The following TBC1D5 variants were observed in gnomAD, a reference collection of about 807,000 sequenced individuals.
TBC1D5 encodes TBC1 domain family, member 5.
In TBC1D5, 75 loss-of-function variants were observed where a neutral mutation model predicts 100.3. The ratio of observed to expected loss-of-function variants is 0.75; its 90% confidence interval spans 0.62 to 0.91. The LOEUF is 0.91. Among genes scored for constraint, TBC1D5 ranks in the 40% least tolerant of loss-of-function variants. The probability of loss-of-function intolerance (pLI) is 0.00; values close to 1 mark genes in which losing one functional copy is unlikely to be tolerated. For synonymous variants in TBC1D5, 323 were observed against 325.6 expected, an observed-to-expected ratio of 0.99 and a Z score of 0.09; for missense variants, 910 against 942.4, an observed-to-expected ratio of 0.97 and a Z score of 0.45.
chr3:17,730,334 A>G (rs990149094), intron 1 of TBC1D5, among the ~76,000 whole-genome samples: 3 of 152,228 alleles, frequency 2.0e-5, no homozygotes, highest in African/African-American at 7.2e-5. Flanking sequence ...TTCTTAGCCA[A>G]CAAAATACAG....
intron 4 of TBC1D5, among the ~76,000 whole-genome samples, chr3:17,423,166 T>G (rs980450313): frequency 1.3e-5 from 2 of 152,078 alleles, no homozygotes; most frequent in Non-Finnish European, 2.9e-5. Flanking sequence ...GACAAGTGCC[T>G]TTTTTTGTCT....
chr3:17,309,535 A>G (rs946426560), intron 13 of TBC1D5, among the ~76,000 whole-genome samples: 1 of 151,978 alleles, frequency 6.6e-6, no homozygotes, highest in Admixed American at 6.6e-5. Flanking sequence ...TATAATTTTT[A>G]TCTTTTATAA....
intron 1 of TBC1D5, among the ~76,000 whole-genome samples, chr3:17,698,620 G>C (rs2072566023): frequency 6.9e-6 from 1 of 145,904 alleles, no homozygotes; most frequent in Non-Finnish European, 1.5e-5. Flanking sequence ...TACAAAATGG[G>C]AGAAAATTTT....
chr3:17,515,209 A>C (rs2095968412), intron 2 of TBC1D5, among the ~76,000 whole-genome samples: 1 of 152,170 alleles, frequency 6.6e-6, no homozygotes, highest in African/African-American at 2.4e-5. Flanking sequence ...ATGAACAAAA[A>C]TCTCTCCTTG....
At chr3:17,389,888 CA>C (rs1252962250) in intron 8 of TBC1D5, among the ~76,000 whole-genome samples, 4 of 152,058 alleles carry the variant, frequency 2.6e-5, no homozygotes, top group Non-Finnish European at 5.9e-5. Context: ...CATTAGAAGT[CA>C]TAAAATGGTA....
Position 17,285,248 on chromosome 3 carries a change from CTTTTTTTTTTT to C in TBC1D5, c.1245+6636_1245+6646del, listed in dbSNP as rs373843978. On this transcript the variant is annotated intron_variant, in intron 15 of 21. Coordinates refer to ENST00000253692, the Ensembl canonical transcript of TBC1D5. ...AGTCACTATACGTGGATTTTAGATTCTTTTTTTTTTTTTTTTTTTTTTTTTTTTTTGAGACG... is the reference window on the plus strand; with the variant it reads ...AGTCACTATACGTGGATTTTAGATTCTTTTTTTTTTTTTTTTTTTGAGACG... 5.0e-3 allele frequency among the ~76,000 whole-genome samples: 524 copies of C among 104,672 alleles called. 6 individuals carry two copies. Among genetic ancestry groups the C allele is most frequent in the African/African-American group, 0.018 (494 of 27,658 alleles). The allele number at this position is 104,672 out of a possible 152,430, so 68.7% of individuals were successfully genotyped here.
intron 2 of TBC1D5, among the ~76,000 whole-genome samples, chr3:17,528,072 G>A (rs1391988358): frequency 6.6e-6 from 1 of 151,954 alleles, no homozygotes; most frequent in Non-Finnish European, 1.5e-5. Flanking sequence ...GCTGGGAGGG[G>A]TGGCTGAGAC....
rs9875378 is a variant in TBC1D5, at chr3:17,581,945, C to G, written c.-36+41904G>C. Among the ~76,000 whole-genome samples, 143 of 152,298 alleles carry G rather than the reference C, an allele frequency of 9.4e-4. 1 individual carries two copies. Among genetic ancestry groups the G allele is most frequent in the African/African-American group, 3.3e-3 (136 of 41,560 alleles). ...CCTCAGGACCTTCGTACTTCGTGAT[C>G]CTTCACCTCACTCTCTCACCTCCTT... On this transcript the variant is annotated intron_variant, in intron 2 of 21. Transcript: ENST00000253692.
At chr3:17,697,016 T>C (rs906798004) in intron 1 of TBC1D5, among the ~76,000 whole-genome samples, 1 of 152,232 alleles carries the variant, frequency 6.6e-6, no homozygotes, top group Admixed American at 6.5e-5. Flanking sequence ...CATGATTATC[T>C]TAATAGATGC....
intron 15 of TBC1D5, among the ~76,000 whole-genome samples, chr3:17,259,193 T>C (rs2078035658): frequency 6.6e-6 from 1 of 152,232 alleles, no homozygotes; most frequent in Non-Finnish European, 1.5e-5. Context: ...ACCATTACTA[T>C]ACAAAAGCAA....
At chr3:17,351,911 C>T (rs2090629869) in intron 13 of TBC1D5, among the ~76,000 whole-genome samples, 1 of 149,968 alleles carries the variant, frequency 6.7e-6, no homozygotes, top group African/African-American at 2.5e-5. Context: ...GCATTTTCTC[C>T]TACCCTTTTC....
chr3:17,216,473 T>G (rs2073646440), intron 17 of TBC1D5, among the ~76,000 whole-genome samples: 1 of 152,128 alleles, frequency 6.6e-6, no homozygotes. Flanking sequence ...CAATAAACTT[T>G]CTGTACTTCT....
chr3:17,189,756 T>C (rs961101474), intron 18 of TBC1D5, among the ~76,000 whole-genome samples: 1 of 152,250 alleles, frequency 6.6e-6, no homozygotes, highest in Non-Finnish European at 1.5e-5. Context: ...TCCCTTCCTA[T>C]GCTCCATTAC....
chr3:17,653,672 T>G (rs1364776110), intron 1 of TBC1D5, among the ~76,000 whole-genome samples: 2 of 152,126 alleles, frequency 1.3e-5, no homozygotes, highest in African/African-American at 4.8e-5. Context: ...ATGAACAAAA[T>G]CTGTAATTTC....
At chr3:17,693,397 A>T (rs767809789) in intron 1 of TBC1D5, among the ~76,000 whole-genome samples, 5 of 152,190 alleles carry the variant, frequency 3.3e-5, no homozygotes, top group Non-Finnish European at 5.9e-5. Flanking sequence ...CGCTTTGCTC[A>T]AGGTCTTAAC....
intron 13 of TBC1D5, among the ~76,000 whole-genome samples, chr3:17,350,563 T>C (rs2090450025): frequency 6.6e-6 from 1 of 152,196 alleles, no homozygotes; most frequent in African/African-American, 2.4e-5. Flanking sequence ...TGTGCTAACG[T>C]TGCTCAGTAA....
At chr3:17,244,804 A>T (rs991908049) in intron 16 of TBC1D5, among the ~76,000 whole-genome samples, 5 of 152,136 alleles carry the variant, frequency 3.3e-5, no homozygotes, top group Non-Finnish European at 5.9e-5. Context: ...TTGGAAACTT[A>T]AAACATTCAT....
At chr3:17,708,747 G>A (rs1457896448) in intron 1 of TBC1D5, among the ~76,000 whole-genome samples, 2 of 152,120 alleles carry the variant, frequency 1.3e-5, no homozygotes, top group Non-Finnish European at 2.9e-5. Context: ...CCATTCTACC[G>A]GATACTGTCC....
intron 2 of TBC1D5, among the ~76,000 whole-genome samples, chr3:17,606,630 A>G (rs540267635): frequency 7.9e-5 from 12 of 152,306 alleles, no homozygotes; most frequent in African/African-American, 2.4e-4. Flanking sequence ...TTAATTCAAT[A>G]TAATTAAATA....
Sources: allele counts gnomAD v4.1 joint callset (sites outside exome capture counted in the v4.1 genomes callset), GRCh38; gene constraint gnomAD v4.1.1; transcripts MANE v1.5; gene names NCBI Gene and HGNC (gene_info 2026-07-23, HGNC 2026-07-21).